The following DACH1 variants were observed in gnomAD, a reference collection of about 807,000 sequenced individuals.
DACH1 encodes dachshund family transcription factor 1.
DACH1 carries 12 observed loss-of-function variants against 54.2 expected under a neutral mutation model. The observed-to-expected ratio is 0.22, with a 90% CI of 0.14 to 0.36. DACH1 has a LOEUF of 0.36. Among genes scored for constraint, DACH1 ranks in the 10% least tolerant of loss-of-function variants. DACH1 has a pLI of 1.00. For synonymous variants in DACH1, 386 were observed against 366.2 expected, an observed-to-expected ratio of 1.05 and a Z score of -0.62; for missense variants, 805 against 929.8, an observed-to-expected ratio of 0.87 and a Z score of 1.75.
chr13:71,564,538 C>A (rs565213825), intron 4 of DACH1, among the ~76,000 whole-genome samples: 3 of 150,278 alleles, frequency 2.0e-5, no homozygotes, highest in Non-Finnish European at 4.4e-5. Flanking sequence ...GGAAAAGCTG[C>A]ATTTTTGCCT....
chr13:71,786,477 C>T (rs1246983259), intron 1 of DACH1, among the ~76,000 whole-genome samples: 1 of 152,050 alleles, frequency 6.6e-6, no homozygotes, highest in South Asian at 2.1e-4. Context: ...TCTAATGATT[C>T]AACCCTATTG....
chr13:71,745,797 G>T (rs1200004455), intron 1 of DACH1, among the ~76,000 whole-genome samples: 1 of 152,140 alleles, frequency 6.6e-6, no homozygotes, highest in Non-Finnish European at 1.5e-5. Context: ...TAAAACTGCA[G>T]GGCTTTTGCA....
At chr13:71,632,194 A>AT (rs1877155382) in intron 2 of DACH1, among the ~76,000 whole-genome samples, 1 of 152,148 alleles carries the variant, frequency 6.6e-6, no homozygotes, top group African/African-American at 2.4e-5. Flanking sequence ...AATTAAGACC[A>AT]TGCTGTTCTG....
intron 1 of DACH1, among the ~76,000 whole-genome samples, chr13:71,857,301 ATTC>A (rs893441251): frequency 2.0e-5 from 3 of 151,660 alleles, no homozygotes; most frequent in Non-Finnish European, 3.0e-5. Flanking sequence ...TCTAAAATTA[ATTC>A]TTTTTTTCTG....
intron 3 of DACH1, chr13:71,573,702 C>T: frequency 2.2e-6 from 1 of 450,722 alleles, no homozygotes. Context: ...GGGAAATAAG[C>T]CGAGGTAAGT....
At chr13:71,665,005 G>A (rs1340959619) in intron 2 of DACH1, among the ~76,000 whole-genome samples, 1 of 151,844 alleles carries the variant, frequency 6.6e-6, no homozygotes, top group Non-Finnish European at 1.5e-5. Context: ...TACTACTAAT[G>A]AGCAATAGGG....
rs564023137 is a variant in DACH1, at chr13:71,560,568, C to T, written c.1300-613G>A. ...ACCTAGCTTCAATTCAACCACACAA[C>T]TGTATTAAGGGCACATTTATGAAAT... On this transcript the variant is annotated intron_variant, in intron 4 of 10. Coordinates refer to ENST00000613252, the MANE Select transcript of DACH1 (RefSeq NM_080759.6). Among the ~76,000 whole-genome samples, 39 of 152,224 alleles carry T rather than the reference C, an allele frequency of 2.6e-4. 1 individual carries two copies. In the South Asian group the frequency reaches 7.9e-3, roughly 31 times the overall value.
intron 10 of DACH1, among the ~76,000 whole-genome samples, chr13:71,469,878 A>C (rs1876916442): frequency 6.6e-6 from 1 of 152,234 alleles, no homozygotes; most frequent in East Asian, 1.9e-4. Flanking sequence ...TCTATGATCT[A>C]AGATCAGTCA....
At chr13:71,552,893 C>T (rs1372983888) in intron 6 of DACH1, among the ~76,000 whole-genome samples, 1 of 100,016 alleles carries the variant, frequency 1.0e-5, no homozygotes, top group African/African-American at 3.8e-5. Flanking sequence ...AGAGACAGAA[C>T]TAATAGACCA....
chr13:71,794,796 C>T (rs773297215), intron 1 of DACH1, among the ~76,000 whole-genome samples: 2 of 152,100 alleles, frequency 1.3e-5, no homozygotes, highest in Non-Finnish European at 2.9e-5. Flanking sequence ...TTTTAACCCT[C>T]GAATTGACAT....
At chr13:71,693,150 G>C (rs946203692) in intron 1 of DACH1, among the ~76,000 whole-genome samples, 1 of 152,032 alleles carries the variant, frequency 6.6e-6, no homozygotes, top group African/African-American at 2.4e-5. Context: ...ACTACAGCGA[G>C]TGTGCATAAA....
At chr13:71,569,223 G>A (rs1226557224) in intron 4 of DACH1, among the ~76,000 whole-genome samples, 6 of 151,900 alleles carry the variant, frequency 3.9e-5, no homozygotes, top group Admixed American at 1.3e-4. Flanking sequence ...AGTTTGAGCT[G>A]CTTCAGTTTT....
intron 10 of DACH1, among the ~76,000 whole-genome samples, chr13:71,450,124 C>T (rs1396808571): frequency 1.3e-5 from 2 of 149,748 alleles, no homozygotes; most frequent in East Asian, 3.9e-4. Flanking sequence ...AAGGTACAGG[C>T]TTACCTCCTT....
chr13:71,506,118 A>G (rs1880298603), intron 6 of DACH1, among the ~76,000 whole-genome samples: 1 of 151,964 alleles, frequency 6.6e-6, no homozygotes, highest in South Asian at 2.1e-4. Flanking sequence ...TTCAAAACTC[A>G]CATAAAGCTC....
At position 71,822,843 on chromosome 13, in the gene DACH1, C is replaced by T. The variant is rs145889174; in HGVS notation, c.848+43079G>A. ...ACAAAACAAGAAACAAAACATCTCTCGCTTTTATTATTAATAATTTAACAG... is the reference window on the plus strand; with the variant it reads ...ACAAAACAAGAAACAAAACATCTCTTGCTTTTATTATTAATAATTTAACAG... On this transcript the variant is annotated intron_variant, in intron 1 of 10. Coordinates refer to ENST00000613252, the MANE Select transcript of DACH1 (RefSeq NM_080759.6). 3.2e-4 allele frequency among the ~76,000 whole-genome samples: 48 copies of T among 151,962 alleles called. No individual in the cohort carries two copies. The East Asian group carries it at 3.5e-3, about 11-fold the overall frequency.
chr13:71,526,734 A>G (rs1881991948), intron 6 of DACH1, among the ~76,000 whole-genome samples: 3 of 150,792 alleles, frequency 2.0e-5, no homozygotes, highest in Non-Finnish European at 4.4e-5. Context: ...ATAGGTATAT[A>G]TATGTATGTA....
At chr13:71,802,449 G>T (rs1887326323) in intron 1 of DACH1, among the ~76,000 whole-genome samples, 1 of 151,660 alleles carries the variant, frequency 6.6e-6, no homozygotes. Context: ...AATCTGTTCT[G>T]GTGGAATTAA....
chr13:71,799,059 T>C (rs541094919), intron 1 of DACH1, among the ~76,000 whole-genome samples: 2 of 152,116 alleles, frequency 1.3e-5, no homozygotes, highest in East Asian at 1.9e-4. Flanking sequence ...AGCTAAAGTT[T>C]CCCCCCTTCC....
intron 6 of DACH1, among the ~76,000 whole-genome samples, chr13:71,534,054 T>TACAAAAC (rs1566321978): frequency 1.3e-5 from 2 of 152,002 alleles, no homozygotes; most frequent in African/African-American, 4.8e-5. Flanking sequence ...AAATGAAATT[T>TACAAAAC]TGACTTCTTC....
Sources: allele counts gnomAD v4.1 joint callset (sites outside exome capture counted in the v4.1 genomes callset), GRCh38; gene constraint gnomAD v4.1.1; transcripts MANE v1.5; gene names NCBI Gene and HGNC (gene_info 2026-07-23, HGNC 2026-07-21).